TNS3: variants seen among roughly 807,000 people sequenced by gnomAD.
The protein encoded by TNS3 is tensin-3.
Under a neutral mutation model 140.9 loss-of-function variants are expected in TNS3, and 45 were observed. The observed-to-expected ratio is 0.32, with a 90% CI of 0.25 to 0.41. The LOEUF (loss-of-function observed/expected upper bound fraction) is 0.41. Ranked by LOEUF, TNS3 falls within the 10% of genes least tolerant of loss-of-function variation. TNS3 has a pLI of 1.00. For missense variants in TNS3, 1,716 were observed against 1,906.7 expected, an observed-to-expected ratio of 0.90 and a Z score of 1.86; for synonymous variants, 815 against 788.4, an observed-to-expected ratio of 1.03 and a Z score of -0.56.
chr7:47,494,844 A>C (rs552470437), intron 3 of TNS3, among the ~76,000 whole-genome samples: 2 of 152,298 alleles, frequency 1.3e-5, no homozygotes, highest in East Asian at 3.9e-4. Context: ...ACTGCTTTAC[A>C]AAAGGGGGGA....
In TNS3 at chr7:47,577,319, G is replaced by A. The variant is rs564259308; in HGVS notation, c.-265+4732C>T. ...TAAGTGCTATTATCTTTCCCCAAAA[G>A]AGAAGAGGAAGAGGAAGGGCAGACA... On this transcript the variant is annotated intron_variant, in intron 1 of 30. Transcript: ENST00000311160. Among the ~76,000 whole-genome samples the A allele has an allele frequency of 2.4e-4, 36 of 152,354 alleles. No individual in the cohort carries two copies. In the South Asian group the frequency reaches 6.8e-3, roughly 29 times the overall value.
intron 2 of TNS3, among the ~76,000 whole-genome samples, chr7:47,524,710 G>A (rs1164437719): frequency 6.7e-6 from 1 of 148,510 alleles, no homozygotes; most frequent in East Asian, 2.0e-4. Context: ...GCTGAGGCAG[G>A]AGAATGGCGT....
chr7:47,450,136 G>A (rs1410818149), intron 4 of TNS3, among the ~76,000 whole-genome samples: 1 of 152,206 alleles, frequency 6.6e-6, no homozygotes, highest in African/African-American at 2.4e-5. Flanking sequence ...AGTGGCTGTG[G>A]AGTCATCTGG....
At chr7:47,323,528 G>T (rs1175845324) in intron 20 of TNS3, among the ~76,000 whole-genome samples, 1 of 152,194 alleles carries the variant, frequency 6.6e-6, no homozygotes, top group East Asian at 1.9e-4. Flanking sequence ...AAGGAAAGAA[G>T]AATGTTCAAA....
In TNS3 at chr7:47,368,825, C is replaced by T. The variant is rs1020771495; in HGVS notation, c.1821G>A (p.Gly607=). The change falls in exon 17 of 31, where the codon GGG becomes GGA. Residue 607 remains glycine (G), a synonymous_variant. Coordinates refer to ENST00000311160, the MANE Select transcript of TNS3 (RefSeq NM_022748.12). ...GGCAGCGGCTCACCAGCCGGGCCTC[C>T]CCATCTGGGGCGAAGCTATACTGGT... The part of the protein sequence containing the change: ...VAHQYSFAPD[G]EARLVSRCPA... 1 of 1,612,590 alleles carries T rather than the reference C, an allele frequency of 6.2e-7. No individual in the cohort carries two copies.
intron 3 of TNS3, among the ~76,000 whole-genome samples, chr7:47,488,709 T>TAACA (rs1334151886): frequency 6.6e-6 from 1 of 152,200 alleles, no homozygotes; most frequent in Admixed American, 6.5e-5. Context: ...CCCCCAGCAC[T>TAACA]AACAATCAAA....
chr7:47,341,090 T>A (rs1440943789), intron 20 of TNS3, among the ~76,000 whole-genome samples: 2 of 152,216 alleles, frequency 1.3e-5, no homozygotes, highest in African/African-American at 2.4e-5. Context: ...TCAGAATATG[T>A]CCCATTTGGC....
intron 1 of TNS3, among the ~76,000 whole-genome samples, chr7:47,552,292 A>G (rs1337789573): frequency 6.6e-6 from 1 of 152,162 alleles, no homozygotes; most frequent in African/African-American, 2.4e-5. Context: ...TTGCCTGGAG[A>G]AACAAGAAGA....
At chr7:47,389,652 A>G (rs1419455752) in intron 16 of TNS3, among the ~76,000 whole-genome samples, 2 of 152,208 alleles carry the variant, frequency 1.3e-5, no homozygotes, top group Non-Finnish European at 2.9e-5. Flanking sequence ...TAACACCCAC[A>G]TGACTTGATC....
At chr7:47,328,709 G>T (rs974274493) in intron 20 of TNS3, among the ~76,000 whole-genome samples, 1 of 152,226 alleles carries the variant, frequency 6.6e-6, no homozygotes, top group African/African-American at 2.4e-5. Flanking sequence ...TGGCCACCAG[G>T]CTGGAAGCCT....
chr7:47,398,354 T>TAACA (rs199604162), intron 15 of TNS3, among the ~76,000 whole-genome samples: 3 of 147,026 alleles, frequency 2.0e-5, no homozygotes, highest in East Asian at 1.9e-4. Context: ...GGAAAGAATA[T>TAACA]AACAAACAAA....
At chr7:47,511,283 T>A (rs182507944) in intron 2 of TNS3, among the ~76,000 whole-genome samples, 5 of 152,310 alleles carry the variant, frequency 3.3e-5, no homozygotes, top group African/African-American at 2.4e-5. Context: ...GGGGCTAGAT[T>A]GTCTTTGACG....
chr7:47,415,328 C>T lies in TNS3; in HGVS notation c.474-122G>A, dbSNP rs189048243. On this transcript the variant is annotated intron_variant, in intron 10 of 30. Coordinates refer to ENST00000311160, the MANE Select transcript of TNS3 (RefSeq NM_022748.12). Reference sequence around the variant, plus strand: ...GCTCTGGGAGAGAATCGGTCCACTGCTCACAGCCAGGGGTTCTCAGCATGG... The same window carrying T: ...GCTCTGGGAGAGAATCGGTCCACTGTTCACAGCCAGGGGTTCTCAGCATGG... The T allele has an allele frequency of 1.8e-4, 120 of 658,118 alleles. No individual in the cohort carries two copies. The African/African-American group carries it at 2.0e-3, about 11-fold the overall frequency. The allele number at this position is 658,118 out of a possible 1,614,324, so 40.8% of individuals were successfully genotyped here.
chr7:47,288,578 CTG>C (rs1785538147), intron 27 of TNS3, among the ~76,000 whole-genome samples: 1 of 152,186 alleles, frequency 6.6e-6, no homozygotes. Context: ...CTGCATCCTT[CTG>C]GGCACTTCAC....
In TNS3 at chr7:47,325,408, G is replaced by A. The variant is rs1391554462; in HGVS notation, c.2650+19347C>T. The stretch of plus-strand genomic sequence containing the variant: ...CTCCACCCAGCTATCCATTCTACCT[G>A]AGGCTAATCAAGAATCATATGTCCA... On this transcript the variant is annotated intron_variant, in intron 20 of 30. Transcript: ENST00000311160. Among the ~76,000 whole-genome samples, 4 of 152,140 alleles carry A rather than the reference G, an allele frequency of 2.6e-5. No homozygotes were observed. In the East Asian group the frequency reaches 5.8e-4, roughly 22 times the overall value.
At chr7:47,391,545 A>C (rs565092281) in intron 16 of TNS3, among the ~76,000 whole-genome samples, 9 of 152,290 alleles carry the variant, frequency 5.9e-5, no homozygotes, top group African/African-American at 2.2e-4. Context: ...AGTAGAAAGC[A>C]CCCCAATGGG....
chr7:47,293,849 AAAG>A (rs1785853573), intron 24 of TNS3, 21 bp from the exon 25 acceptor site: 11 of 1,613,338 alleles, frequency 6.8e-6, no homozygotes, highest in African/African-American at 1.3e-5. Context: ...AAATTTAAAG[AAAG>A]AAGAATTTTT....
intron 25 of TNS3, 105 bp from the exon 26 acceptor site, chr7:47,293,010 T>G: frequency 1.0e-6 from 1 of 957,854 alleles, no homozygotes; most frequent in South Asian, 1.6e-5. Context: ...GCTGAGCCCT[T>G]ATCTTTTTAG....
intron 13 of TNS3, among the ~76,000 whole-genome samples, chr7:47,410,231 G>A (rs79377949): frequency 0.076 from 11,581 of 152,194 alleles, 570 homozygotes; most frequent in East Asian, 0.16. Context: ...CTGCACCATC[G>A]CTGCAGCACA....
Sources: gnomAD v4.1 joint callset for allele counts (sites outside exome capture counted in the v4.1 genomes callset) on GRCh38, gnomAD v4.1.1 for gene constraint, MANE v1.5 for transcripts, NCBI Gene and HGNC (gene_info 2026-07-23, HGNC 2026-07-21) for gene names.